Variants in FLT1 observed in about 807,000 individuals in gnomAD.
FLT1 encodes the protein vascular endothelial growth factor receptor 1.
Under a neutral mutation model 156.3 loss-of-function variants are expected in FLT1, and 49 were observed. The ratio of observed to expected loss-of-function variants is 0.31; its 90% confidence interval spans 0.25 to 0.40. FLT1 has a LOEUF of 0.40. Ranked by LOEUF, FLT1 falls within the 10% of genes least tolerant of loss-of-function variation. FLT1 has a pLI of 1.00. For synonymous variants in FLT1, 594 were observed against 583.8 expected (o/e 1.02, Z -0.25); for missense variants, 1,322 against 1,637.2 (o/e 0.81, Z 3.32).
At position 28,438,268 on chromosome 13, in the gene FLT1, T is replaced by C; in HGVS notation, c.466A>G (p.Ile156Val). Residue 156 changes from isoleucine (I) to valine (V), a missense_variant, in exon 4 of 30, where the codon ATT (isoleucine) becomes GTT (valine). Around this residue, in one of 3 missense-constraint regions of FLT1, gnomAD observed 991 missense variants for 1,254.8 expected, o/e 0.79. Transcript: ENST00000282397. ...IHMTEGRELV[I>V]PCRVTSPNIT... ...TTAGGTGACGTAACCCGGCAGGGAA[T>C]GACGAGCTCCCTTCCTTCAGTCATG... is the stretch of plus-strand genomic sequence containing the variant. 1 of 1,613,736 alleles carries C rather than the reference T, an allele frequency of 6.2e-7. No homozygotes were observed. The highest frequency in any genetic ancestry group is 8.5e-7 in the Non-Finnish European group (1 of 1,179,594).
At chr13:28,410,163 C>A (rs1486646828) in intron 10 of FLT1, among the ~76,000 whole-genome samples, 2 of 152,158 alleles carry the variant, frequency 1.3e-5, no homozygotes, top group Non-Finnish European at 2.9e-5. Flanking sequence ...TTTAACAATT[C>A]TTATTTTTAG....
At chr13:28,321,697 G>A (rs2387631) in intron 22 of FLT1, 112 bp from the exon 23 acceptor site, 16 of 1,072,254 alleles carry the variant, frequency 1.5e-5, no homozygotes, top group Non-Finnish European at 2.0e-5. Context: ...ATGCTGTGAA[G>A]GGAGCACCTC....
chr13:28,302,007 G>A lies in FLT1; in HGVS notation c.*1160C>T, dbSNP rs556462350. 22 of 233,650 alleles carry A rather than the reference G, an allele frequency of 9.4e-5. No homozygotes were observed. The highest frequency in any genetic ancestry group is 9.0e-4 in the South Asian group (5 of 5,534). The allele number at this position is 233,650 out of a possible 1,614,324, so 14.5% of individuals were successfully genotyped here. On this transcript the variant is annotated 3_prime_UTR_variant, in exon 30 of 30. Transcript: ENST00000282397. The stretch of plus-strand genomic sequence containing the variant: ...AATCCCCATTAAATGAAAAGGAAAC[G>A]TGACTGACTTCCTGTGTTTTGGGTC...
intron 14 of FLT1, among the ~76,000 whole-genome samples, chr13:28,378,877 T>C (rs150150614): frequency 1.6e-3 from 242 of 152,306 alleles, no homozygotes; most frequent in Non-Finnish European, 2.4e-3. Context: ...ATAAATCTTA[T>C]ATTGCTATGT....
rs1268553981 is a variant in FLT1, at chr13:28,473,707, AAAG to A, written c.65-6093_65-6091del. On this transcript the variant is annotated intron_variant, in intron 1 of 29. Transcript: ENST00000282397. ...AGAGAGAGAGAGAAAGAAAAGAAAG[AAAG>A]AAAGAAAGAAAGAAAGAAAGAAGGA... Among the ~76,000 whole-genome samples the A allele has an allele frequency of 1.7e-4, 12 of 70,152 alleles. No individual in the cohort carries two copies. The Admixed American group carries it at 1.9e-3, about 11-fold the overall frequency. The allele number at this position is 70,152 out of a possible 152,430, so 46.0% of individuals were successfully genotyped here. A position where few individuals can be genotyped will look rare whatever the true frequency, so the allele number is the denominator to read the frequency against.
intron 15 of FLT1, among the ~76,000 whole-genome samples, chr13:28,350,870 T>G (rs187500917): frequency 3.9e-5 from 6 of 151,976 alleles, no homozygotes; most frequent in East Asian, 1.9e-4. Flanking sequence ...TTGCCTGCCT[T>G]CCTTCCTTCC....
chr13:28,448,127 G>A (rs542630023), intron 3 of FLT1, among the ~76,000 whole-genome samples: 1 of 152,310 alleles, frequency 6.6e-6, no homozygotes, highest in African/African-American at 2.4e-5. Context: ...GCAAGGATGT[G>A]GAGCAACTGG....
At chr13:28,482,860 G>A (rs553826829) in intron 1 of FLT1, among the ~76,000 whole-genome samples, 48 of 152,332 alleles carry the variant, frequency 3.2e-4, no homozygotes, top group Admixed American at 7.8e-4. Flanking sequence ...GTGACTTTGC[G>A]TAGCGAATAC....
intron 14 of FLT1, among the ~76,000 whole-genome samples, chr13:28,380,055 T>C (rs1369824983): frequency 6.6e-6 from 1 of 152,192 alleles, no homozygotes; most frequent in Non-Finnish European, 1.5e-5. Context: ...ATCAATCCTT[T>C]TTGAGCTGCC....
intron 10 of FLT1, among the ~76,000 whole-genome samples, chr13:28,410,933 T>C (rs1032995730): frequency 1.3e-5 from 2 of 152,172 alleles, no homozygotes; most frequent in Non-Finnish European, 2.9e-5. Flanking sequence ...GTAGGGTGAC[T>C]TCTGATCCCA....
chr13:28,331,149 A>T (rs1969806), intron 18 of FLT1, among the ~76,000 whole-genome samples: 1 of 152,250 alleles, frequency 6.6e-6, no homozygotes, highest in Admixed American at 6.5e-5. Context: ...GTGTTTCTGT[A>T]GGACAGTGTC....
chr13:28,318,481 G>A (rs1484633536), intron 24 of FLT1, among the ~76,000 whole-genome samples: 1 of 152,120 alleles, frequency 6.6e-6, no homozygotes, highest in Non-Finnish European at 1.5e-5. Flanking sequence ...TCTTGCTCTA[G>A]CCCTGCAGCC....
At chr13:28,457,960 A>C (rs1405024897) in intron 3 of FLT1, among the ~76,000 whole-genome samples, 1 of 82,396 alleles carries the variant, frequency 1.2e-5, no homozygotes, top group Non-Finnish European at 2.0e-5. Context: ...TTTGTGATGG[A>C]GTCTTGCTCT....
intron 25 of FLT1, among the ~76,000 whole-genome samples, chr13:28,313,797 C>T (rs112091211): frequency 3.3e-5 from 5 of 150,550 alleles, no homozygotes; most frequent in East Asian, 2.0e-4. Flanking sequence ...CTTTAGGGGG[C>T]GCCAATGGCT....
At position 28,439,278 on chromosome 13, in the gene FLT1, C is replaced by G. The variant is rs1485041722; in HGVS notation, c.389-933G>C. Among the ~76,000 whole-genome samples, 1 of 152,176 alleles carries G rather than the reference C, an allele frequency of 6.6e-6. No homozygotes were observed. The highest frequency in any genetic ancestry group is 1.9e-4 in the East Asian group (1 of 5,184). The stretch of plus-strand genomic sequence containing the variant: ...GAGTCATTGTGTTCTGATCGTCCCG[C>G]ATTTGTTCCAGCCTTATATACTAAA... On this transcript the variant is annotated intron_variant, in intron 3 of 29. Coordinates refer to ENST00000282397, the MANE Select transcript of FLT1 (RefSeq NM_002019.4). This position sits in a 1 kb window ranked among gnomAD's most constrained non-coding sequence, Gnocchi z 4.1.
chr13:28,412,330 T>TTTCTTTCTTTCTTTCTTTC (rs1476195337), intron 10 of FLT1, among the ~76,000 whole-genome samples: 1 of 92,556 alleles, frequency 1.1e-5, no homozygotes, highest in Non-Finnish European at 2.2e-5. Context: ...TCTTTCTTTC[T>TTTCTTTCTTTCTTTCTTTC]TTTCTTTCTT....
At chr13:28,437,002 T>C (rs1003587658) in intron 4 of FLT1, among the ~76,000 whole-genome samples, 2 of 152,130 alleles carry the variant, frequency 1.3e-5, no homozygotes, top group East Asian at 3.9e-4. Flanking sequence ...CTTGTCTTCC[T>C]CCTATATGAA....
intron 14 of FLT1, among the ~76,000 whole-genome samples, chr13:28,378,276 T>C (rs1283309438): frequency 6.6e-6 from 1 of 152,162 alleles, no homozygotes; most frequent in Admixed American, 6.5e-5. Flanking sequence ...CTCGATCTCT[T>C]GACCTCATGA....
intron 10 of FLT1, among the ~76,000 whole-genome samples, chr13:28,411,191 A>G (rs1876149470): frequency 1.3e-5 from 2 of 152,084 alleles, no homozygotes; most frequent in African/African-American, 2.4e-5. Context: ...TTTTGGTCAT[A>G]AACATGCTTT....
Sources: allele counts gnomAD v4.1 joint callset (sites outside exome capture counted in the v4.1 genomes callset), GRCh38; gene constraint gnomAD v4.1.1; regional missense constraint gnomAD v4.1.1; non-coding constraint Gnocchi (gnomAD v3.1); transcripts MANE v1.5; gene names NCBI Gene and HGNC (gene_info 2026-07-23, HGNC 2026-07-21).